DMD: variants seen among roughly 807,000 people sequenced by gnomAD.
DMD encodes dystrophin, also known as mutant dystrophin.
In DMD, 63 loss-of-function variants were observed where a neutral mutation model predicts 330.1. The ratio of observed to expected loss-of-function variants is 0.19; its 90% confidence interval spans 0.16 to 0.24. The LOEUF is 0.24. DMD is among the 10% of genes least tolerant of loss of function. The pLI is 1.00. For missense variants in DMD, 3,344 were observed against 2,684.1 expected (o/e 1.25, Z -5.43); for synonymous variants, 1,223 against 959.8 (o/e 1.27, Z -5.07).
At chrX:32,009,619 A>AT (rs1480283950) in intron 44 of DMD, among the ~76,000 whole-genome samples, 2 of 111,838 alleles carry the variant, frequency 1.8e-5, no homozygotes, top group Non-Finnish European at 3.8e-5. Flanking sequence ...CAATTAATGC[A>AT]TTTTTAAAAG....
chrX:31,815,859 C>T (rs751808259), intron 50 of DMD, among the ~76,000 whole-genome samples: 6 of 111,520 alleles, frequency 5.4e-5, no homozygotes, highest in Non-Finnish European at 1.1e-4. Context: ...AGCTTCCACC[C>T]GCCCTCTCTT....
At chrX:31,975,747 A>G (rs987697096) in intron 44 of DMD, among the ~76,000 whole-genome samples, 1 of 112,292 alleles carries the variant, frequency 8.9e-6, no homozygotes, top group Non-Finnish European at 1.9e-5. Context: ...TCTTCTCTCT[A>G]GAGGTATTAT....
chrX:32,619,691 G>A (rs1415036552), intron 11 of DMD, among the ~76,000 whole-genome samples: 1 of 111,581 alleles, frequency 9.0e-6, no homozygotes, highest in Non-Finnish European at 1.9e-5. Context: ...GCATACTATT[G>A]GCAGGAAAGA....
intron 43 of DMD, among the ~76,000 whole-genome samples, chrX:32,259,638 T>C (rs1348751881): frequency 9.0e-6 from 1 of 111,652 alleles, no homozygotes; most frequent in African/African-American, 3.2e-5. Flanking sequence ...TGAATGACTA[T>C]TCAATACATT....
intron 50 of DMD, among the ~76,000 whole-genome samples, chrX:31,796,911 T>C (rs1042623322): frequency 1.8e-5 from 2 of 111,248 alleles, no homozygotes; most frequent in Non-Finnish European, 3.8e-5. Flanking sequence ...ATGTGATCTC[T>C]ACACACCAGC....
chrX:32,045,019 G>C (rs772946010), intron 44 of DMD, among the ~76,000 whole-genome samples: 2 of 110,700 alleles, frequency 1.8e-5, no homozygotes, highest in South Asian at 7.7e-4. Context: ...TTGGGTCATG[G>C]GGACAGATCC....
chrX:32,345,952 A>G lies in DMD; in HGVS notation c.5577T>C (p.Asn1859=), dbSNP rs372707022. The change falls in exon 39 of 79, where the codon AAT becomes AAC. Residue 1859 remains asparagine (N), a synonymous_variant. Transcript: ENST00000357033. The stretch of plus-strand genomic sequence containing the variant: ...ATTTTAGCTCTAATACCTTGAGAGC[A>G]TTATGTTTTGTCTGTAACAGCTGCT... ...IKQQLLQTKH[N]ALKDLRSQRR... 3 of 1,208,505 alleles carry G rather than the reference A, an allele frequency of 2.5e-6. No homozygotes were observed. In the Admixed American group the frequency reaches 6.6e-5, roughly 26 times the overall value.
At chrX:32,279,370 T>C (rs1464781933) in intron 43 of DMD, among the ~76,000 whole-genome samples, 3 of 111,739 alleles carry the variant, frequency 2.7e-5, no homozygotes, top group African/African-American at 9.8e-5. Context: ...CCCACGTTTG[T>C]TGAAGCACTG....
At chrX:32,420,515 AG>A (rs1010363370) in intron 29 of DMD, among the ~76,000 whole-genome samples, 9 of 112,082 alleles carry the variant, frequency 8.0e-5, no homozygotes, top group African/African-American at 2.6e-4. Context: ...AATTACAGAT[AG>A]GTTGGTGGTT....
intron 2 of DMD, among the ~76,000 whole-genome samples, chrX:32,920,385 G>C (rs2088275046): frequency 9.0e-6 from 1 of 111,659 alleles, no homozygotes; most frequent in African/African-American, 3.3e-5. Context: ...TAAGCTTGCA[G>C]TTTCTGTGTC....
intron 2 of DMD, among the ~76,000 whole-genome samples, chrX:32,994,333 TA>T (rs58119279): frequency 0.16 from 14,466 of 92,945 alleles, 820 homozygotes; most frequent in African/African-American, 0.22. Flanking sequence ...GCCCCCAATT[TA>T]AAAAAAAAAA....
intron 45 of DMD, among the ~76,000 whole-genome samples, chrX:31,944,415 T>G (rs1378976555): frequency 8.9e-6 from 1 of 112,003 alleles, no homozygotes; most frequent in African/African-American, 3.2e-5. Flanking sequence ...AACTAAACAT[T>G]TATTTTTTAT....
At chrX:33,308,133 C>T (rs185656498) in intron 1 of DMD, among the ~76,000 whole-genome samples, 16 of 112,288 alleles carry the variant, frequency 1.4e-4, no homozygotes, top group African/African-American at 5.2e-4. Flanking sequence ...TGACAAGCTA[C>T]TTATGACATT....
At chrX:32,762,290 C>T (rs981315127) in intron 7 of DMD, among the ~76,000 whole-genome samples, 1 of 111,088 alleles carries the variant, frequency 9.0e-6, no homozygotes, top group Non-Finnish European at 1.9e-5. Flanking sequence ...CACCTATTAA[C>T]AAATAAGATG....
chrX:32,940,698 T>C lies in DMD; in HGVS notation c.93+79441A>G, dbSNP rs189863378. On this transcript the variant is annotated intron_variant, in intron 2 of 78. Coordinates refer to ENST00000357033, the MANE Select transcript of DMD (RefSeq NM_004006.3). ...AATGTAAGACCTCAAACTAGAAGAA[T>C]TGTAGAAGAAAACCTAAGAAACATC... 4.5e-5 allele frequency among the ~76,000 whole-genome samples: 5 copies of C among 111,571 alleles called. No homozygotes were observed. The Admixed American group carries it at 4.8e-4, about 11-fold the overall frequency.
chrX:32,833,828 T>A (rs2148912139), intron 4 of DMD, among the ~76,000 whole-genome samples: 1 of 109,982 alleles, frequency 9.1e-6, no homozygotes, highest in East Asian at 2.9e-4. Flanking sequence ...TATGTGAACA[T>A]AATAGGTAAC....
intron 1 of DMD, among the ~76,000 whole-genome samples, chrX:33,208,139 C>T (rs975418139): frequency 1.8e-5 from 2 of 111,368 alleles, no homozygotes; most frequent in African/African-American, 3.3e-5. Context: ...ATAACTGCAC[C>T]GCCTCCATTA....
intron 47 of DMD, among the ~76,000 whole-genome samples, chrX:31,925,588 A>G (rs769274578): frequency 3.2e-4 from 36 of 111,470 alleles, no homozygotes; most frequent in African/African-American, 1.2e-3. Context: ...AAGTAGATTC[A>G]TGGCCAGGTG....
At chrX:32,332,191 T>C (rs1021402882) in intron 41 of DMD, among the ~76,000 whole-genome samples, 1 of 111,758 alleles carries the variant, frequency 8.9e-6, no homozygotes, top group African/African-American at 3.2e-5. Flanking sequence ...TAATTACTTA[T>C]TTTATGAATT....
Sources: allele counts gnomAD v4.1 joint callset (sites outside exome capture counted in the v4.1 genomes callset), GRCh38; gene constraint gnomAD v4.1.1; transcripts MANE v1.5; gene names NCBI Gene and HGNC (gene_info 2026-07-23, HGNC 2026-07-21).